The following ZNF431 variants were observed in gnomAD, a reference collection of about 807,000 sequenced individuals.
ZNF431 encodes zinc finger protein 431.
In ZNF431, 34 loss-of-function variants were observed where a neutral mutation model predicts 57.0. The observed-to-expected ratio is 0.60, with a 90% CI of 0.45 to 0.79. ZNF431 has a LOEUF of 0.79. ZNF431 is among the 30% of genes least tolerant of loss of function. The pLI, the probability that ZNF431 is intolerant of heterozygous loss-of-function variation, is 0.00. For missense variants in ZNF431, 607 were observed against 667.1 expected, an observed-to-expected ratio of 0.91 and a Z score of 0.99; for synonymous variants, 207 against 220.3, an observed-to-expected ratio of 0.94 and a Z score of 0.54.
intron 2 of ZNF431, chr19:21,149,963 A>G (rs1970222024): frequency 5.1e-6 from 3 of 593,592 alleles, no homozygotes; most frequent in Non-Finnish European, 9.5e-6. Flanking sequence ...GATGGGATCC[A>G]CATCATGCGC....
At chr19:21,145,869 A>C (rs1970074656) in intron 2 of ZNF431, among the ~76,000 whole-genome samples, 1 of 152,182 alleles carries the variant, frequency 6.6e-6, no homozygotes, top group Admixed American at 6.5e-5. Context: ...GGGGAATGGC[A>C]AATGAACCGT....
intron 2 of ZNF431, among the ~76,000 whole-genome samples, chr19:21,152,849 A>G (rs1009119181): frequency 6.6e-6 from 1 of 152,126 alleles, no homozygotes; most frequent in Non-Finnish European, 1.5e-5. Flanking sequence ...TGGTTACCAG[A>G]AAGATGTTAC....
rs1433333508 is a variant in ZNF431 at position 21,181,199 on chromosome 19, A to G, written c.320-1424A>G. On this transcript the variant is annotated intron_variant, in intron 4 of 4. Coordinates refer to ENST00000311048, the MANE Select transcript of ZNF431 (RefSeq NM_133473.4). ...TTTCCCAGAGAATAATGTCTTTTAT[A>G]TGATGTGTTGTTTTGTTGAATCATG... is the stretch of plus-strand genomic sequence containing the variant. Among the ~76,000 whole-genome samples the G allele has an allele frequency of 5.0e-4, 76 of 152,062 alleles. 1 individual carries two copies. The highest frequency in any genetic ancestry group is 2.1e-4 in the South Asian group (1 of 4,832).
chr19:21,183,237 G>A lies in ZNF431; in HGVS notation c.934G>A (p.Gly312Arg). 1 of 1,613,034 alleles carries A rather than the reference G, an allele frequency of 6.2e-7. No individual in the cohort carries two copies. Among genetic ancestry groups the A allele is most frequent in the Non-Finnish European group, 8.5e-7 (1 of 1,179,734 alleles). ...TACTACACATAAGATAATTCATACT[G>A]GAGAGAAGCCCTACAAATGTGAAGA... ...HLTTHKIIHT[G>R]EKPYKCEECG... Residue 312 changes from glycine (G) to arginine (R), a missense_variant, in exon 5 of 5, where the codon GGA (glycine) becomes AGA (arginine). Transcript: ENST00000311048.
At position 21,142,060 on chromosome 19, in the gene ZNF431, C is replaced by T; in HGVS notation, c.-124C>T. The T allele has an allele frequency of 7.6e-7, 1 of 1,310,212 alleles. No homozygotes were observed. The highest frequency in any genetic ancestry group is 1.1e-6 in the Non-Finnish European group (1 of 921,338). The allele number at this position is 1,310,212 out of a possible 1,614,324, so 81.2% of individuals were successfully genotyped here. A position where few individuals can be genotyped will look rare whatever the true frequency, so the allele number is the denominator to read the frequency against. On this transcript the variant is annotated 5_prime_UTR_variant, in exon 1 of 5. Transcript: ENST00000311048. ...CCTTTGTCTCTCGCCGCAGCCTGAG[C>T]TCCAGGTCTCCCCTTCGCTGCTCTG...
At chr19:21,179,432 T>A (rs1490358888) in intron 4 of ZNF431, among the ~76,000 whole-genome samples, 2 of 152,170 alleles carry the variant, frequency 1.3e-5, no homozygotes, top group African/African-American at 4.8e-5. Context: ...CTTGGTTTTC[T>A]CGTTCTTTTA....
Position 21,186,919 on chromosome 19 carries a change from A to G in ZNF431, c.*2885A>G, listed in dbSNP as rs1971386570. 1 of 152,108 alleles carries G rather than the reference A, an allele frequency of 6.6e-6. No homozygotes were observed. Among genetic ancestry groups the G allele is most frequent in the South Asian group, 2.1e-4 (1 of 4,832 alleles). 9.4% of individuals were successfully genotyped at this position (152,108 alleles called of 1,614,324 possible). ...TGATTTGTTCCTTTCACTTTTTATAATTGACATAAGCATATTTATTGAGTC... is the reference window on the plus strand; with the variant it reads ...TGATTTGTTCCTTTCACTTTTTATAGTTGACATAAGCATATTTATTGAGTC... On this transcript the variant is annotated 3_prime_UTR_variant, in exon 5 of 5. Coordinates refer to ENST00000311048, the MANE Select transcript of ZNF431 (RefSeq NM_133473.4).
intron 2 of ZNF431, among the ~76,000 whole-genome samples, chr19:21,146,851 T>G (rs1281614554): frequency 6.6e-6 from 1 of 152,184 alleles, no homozygotes. Flanking sequence ...TCAAAATAGA[T>G]GTGCTCTGGT....
chr19:21,168,845 C>G (rs933629729), intron 4 of ZNF431, among the ~76,000 whole-genome samples: 3 of 151,996 alleles, frequency 2.0e-5, no homozygotes, highest in Non-Finnish European at 4.4e-5. Flanking sequence ...GTGTATGGAA[C>G]CATAACTTTA....
intron 1 of ZNF431, among the ~76,000 whole-genome samples, chr19:21,143,269 C>T (rs1270215480): frequency 6.6e-6 from 1 of 152,044 alleles, no homozygotes; most frequent in Non-Finnish European, 1.5e-5. Context: ...TAAATATTTC[C>T]CATGAGAAGA....
intron 2 of ZNF431, among the ~76,000 whole-genome samples, chr19:21,159,008 T>G (rs1220326499): frequency 6.6e-6 from 1 of 152,240 alleles, no homozygotes; most frequent in East Asian, 1.9e-4. Flanking sequence ...CCTAGTTTGT[T>G]GAGGGTTTTA....
rs545206670 is a variant in ZNF431 at position 21,171,175 on chromosome 19, TTA to T, written c.319+3511_319+3512del. ...TTTACATGCTTATTTAAAAAGTTTC[TTA>T]TTAGACTATTCTAATTATACTGCAT... On this transcript the variant is annotated intron_variant, in intron 4 of 4. Transcript: ENST00000311048. 1.5e-3 allele frequency among the ~76,000 whole-genome samples: 222 copies of T among 151,038 alleles called. 1 individual carries two copies. Among genetic ancestry groups the T allele is most frequent in the African/African-American group, 5.1e-3 (212 of 41,208 alleles).
intron 2 of ZNF431, chr19:21,150,281 C>T (rs534116707): frequency 9.0e-5 from 43 of 480,208 alleles, no homozygotes; most frequent in East Asian, 8.4e-4. Flanking sequence ...GGGGCCATTT[C>T]GGGTGAGGTC....
chr19:21,188,077 G>C lies in ZNF431; in HGVS notation c.*4043G>C, dbSNP rs949698783. On this transcript the variant is annotated 3_prime_UTR_variant, in exon 5 of 5. Coordinates refer to ENST00000311048, the MANE Select transcript of ZNF431 (RefSeq NM_133473.4). ...AGTTTGAGACCAGCCTGACCAACAT[G>C]GTGAAACCCTGTGTCTACTAAAAAT... The C allele has an allele frequency of 5.9e-5, 9 of 152,036 alleles. No individual in the cohort carries two copies. Among genetic ancestry groups the C allele is most frequent in the African/African-American group, 1.9e-4 (8 of 41,380 alleles). The allele number at this position is 152,036 out of a possible 1,614,324, so 9.4% of individuals were successfully genotyped here. A position where few individuals can be genotyped will look rare whatever the true frequency, so the allele number is the denominator to read the frequency against.
chr19:21,167,567 G>T lies in ZNF431; in HGVS notation c.224-4G>T, dbSNP rs1970757197. The stretch of plus-strand genomic sequence containing the variant: ...ATTCATGTTATTTATTTTTAATAAA[G>T]CAGGTGTTGCTGTCTCTAAGCAAGA... On this transcript the variant is annotated splice_region_variant and splice_polypyrimidine_tract_variant and intron_variant, in intron 3 of 4. Transcript: ENST00000311048. 6.4e-7 allele frequency: 1 copy of T among 1,550,392 alleles called. No homozygotes were observed. Among genetic ancestry groups the T allele is most frequent in the African/African-American group, 1.4e-5 (1 of 72,122 alleles).
At chr19:21,142,381 C>T (rs1022256636) in intron 1 of ZNF431, among the ~76,000 whole-genome samples, 195 bp downstream of exon 1, 1 of 152,212 alleles carries the variant, frequency 6.6e-6, no homozygotes, top group Non-Finnish European at 1.5e-5. Context: ...CCCCAGGCGT[C>T]CTGTCTCTTC....
At position 21,167,561 on chromosome 19, in the gene ZNF431, A is replaced by G; in HGVS notation, c.224-10A>G. The G allele has an allele frequency of 6.5e-7, 1 of 1,537,294 alleles. No homozygotes were observed. Among genetic ancestry groups the G allele is most frequent in the Non-Finnish European group, 8.7e-7 (1 of 1,142,980 alleles). On this transcript the variant is annotated splice_polypyrimidine_tract_variant and intron_variant, in intron 3 of 4. Coordinates refer to ENST00000311048, the MANE Select transcript of ZNF431 (RefSeq NM_133473.4). ...GGCAAGATTCATGTTATTTATTTTT[A>G]ATAAAGCAGGTGTTGCTGTCTCTAA...
In ZNF431 at chr19:21,142,064, A is replaced by C; in HGVS notation, c.-120A>C. On this transcript the variant is annotated 5_prime_UTR_variant, in exon 1 of 5. Transcript: ENST00000311048. ...TGTCTCTCGCCGCAGCCTGAGCTCCAGGTCTCCCCTTCGCTGCTCTGTGTC... is the reference window on the plus strand; with the variant it reads ...TGTCTCTCGCCGCAGCCTGAGCTCCCGGTCTCCCCTTCGCTGCTCTGTGTC... The C allele has an allele frequency of 7.5e-7, 1 of 1,339,538 alleles. No individual in the cohort carries two copies. Among genetic ancestry groups the C allele is most frequent in the Non-Finnish European group, 1.1e-6 (1 of 946,218 alleles). 83.0% of individuals were successfully genotyped at this position (1,339,538 alleles called of 1,614,324 possible).
At chr19:21,152,815 G>A (rs1387982983) in intron 2 of ZNF431, among the ~76,000 whole-genome samples, 2 of 152,068 alleles carry the variant, frequency 1.3e-5, no homozygotes, top group African/African-American at 4.8e-5. Flanking sequence ...TTGGGTCAGA[G>A]GTCTCTTAAG....
Sources: gnomAD v4.1 joint callset for allele counts (sites outside exome capture counted in the v4.1 genomes callset) on GRCh38, gnomAD v4.1.1 for gene constraint, MANE v1.5 for transcripts, NCBI Gene and HGNC (gene_info 2026-07-23, HGNC 2026-07-21) for gene names.